Variants in TTYH3 observed in about 807,000 individuals in gnomAD.
TTYH3 encodes the protein protein tweety homolog 3.
Under a neutral mutation model 68.2 loss-of-function variants are expected in TTYH3, and 23 were observed. The observed-to-expected ratio is 0.34, with a 90% CI of 0.24 to 0.48. The LOEUF (loss-of-function observed/expected upper bound fraction) is 0.48, where lower values mean the gene tolerates loss of function less well. Ranked by LOEUF, TTYH3 falls within the 20% of genes least tolerant of loss-of-function variation. The pLI is 0.99. For synonymous variants in TTYH3, 360 were observed against 332.8 expected, an observed-to-expected ratio of 1.08 and a Z score of -0.89; for missense variants, 768 against 727.7, an observed-to-expected ratio of 1.06 and a Z score of -0.64.
chr7:2,647,819 C>T, intron 4 of TTYH3, 140 bp from the exon 5 acceptor site: 1 of 1,109,962 alleles, frequency 9.0e-7, no homozygotes, highest in Non-Finnish European at 1.3e-6. Context: ...AGAACTGACA[C>T]CAGTCCCCAT....
intron 1 of TTYH3, among the ~76,000 whole-genome samples, chr7:2,643,774 C>T (rs1285727174): frequency 6.6e-6 from 1 of 152,008 alleles, no homozygotes; most frequent in Non-Finnish European, 1.5e-5. Flanking sequence ...GCCCCGAGCT[C>T]TGGGTGGACA....
chr7:2,661,948 C>T lies in TTYH3; in HGVS notation c.*209C>T. 3.3e-6 allele frequency: 2 copies of T among 615,014 alleles called. No individual in the cohort carries two copies. Among genetic ancestry groups the T allele is most frequent in the Admixed American group, 2.8e-5 (1 of 35,386 alleles). The allele number at this position is 615,014 out of a possible 1,614,324, so 38.1% of individuals were successfully genotyped here. A position where few individuals can be genotyped will look rare whatever the true frequency, so the allele number is the denominator to read the frequency against. The stretch of plus-strand genomic sequence containing the variant: ...GGGCCCGTACCGCCAACTCGGGTCA[C>T]ACCTGAACGCTGCTGCCAGCCGATG... On this transcript the variant is annotated 3_prime_UTR_variant, in exon 14 of 14. Transcript: ENST00000258796.
rs866654304 is a variant in TTYH3, at chr7:2,637,454, G to A, written c.123+5176G>A. 7.5e-4 allele frequency among the ~76,000 whole-genome samples: 114 copies of A among 152,296 alleles called. 1 individual carries two copies. The highest frequency in any genetic ancestry group is 3.4e-3 in the Middle Eastern group (1 of 294). ...AGAAACGGGGGCCGGCCAGCATGGG[G>A]GGCCGGAAGACTGGGCACGGGTTCC... On this transcript the variant is annotated intron_variant, in intron 1 of 13. Transcript: ENST00000258796.
chr7:2,647,631 T>C lies in TTYH3; in HGVS notation c.619T>C (p.Trp207Arg). 1 of 1,565,446 alleles carries C rather than the reference T, an allele frequency of 6.4e-7. No individual in the cohort carries two copies. Among genetic ancestry groups the C allele is most frequent in the Non-Finnish European group, 8.7e-7 (1 of 1,155,128 alleles). ...GGCGGAGCAGGTGGATCTCTACGAC[T>C]GGTACAGGTGCGGCCAGGCCCTCTT... ...VLAEQVDLYD[W>R]YRWLGYLGLL... Residue 207 changes from tryptophan to arginine, a missense_variant, in exon 4 of 14, where the codon TGG (tryptophan) becomes CGG (arginine). Physicochemically the swap from Trp to Arg is moderately radical, Grantham distance 101. Coordinates refer to ENST00000258796, the MANE Select transcript of TTYH3 (RefSeq NM_025250.3).
intron 13 of TTYH3, chr7:2,660,379 G>T: frequency 1.0e-6 from 1 of 985,402 alleles, no homozygotes; most frequent in Non-Finnish European, 1.2e-6. Flanking sequence ...ATGTGCCCGG[G>T]CCCCTGGGCA....
Position 2,638,761 on chromosome 7 carries a change from G to A in TTYH3, c.123+6483G>A, listed in dbSNP as rs565379437. Among the ~76,000 whole-genome samples, 435 of 152,280 alleles carry A rather than the reference G, an allele frequency of 2.9e-3. 1 individual carries two copies. Among genetic ancestry groups the A allele is most frequent in the Non-Finnish European group, 5.4e-3 (369 of 67,996 alleles). Reference sequence around the variant, plus strand: ...GCCAGTGTCGCTGGGAGCCTGGGCCGAGTGTGCTATGGGTAGGGGCTGGGG... The same window carrying A: ...GCCAGTGTCGCTGGGAGCCTGGGCCAAGTGTGCTATGGGTAGGGGCTGGGG... On this transcript the variant is annotated intron_variant, in intron 1 of 13. Transcript: ENST00000258796.
At chr7:2,635,229 GA>G (rs1198963531) in intron 1 of TTYH3, among the ~76,000 whole-genome samples, 1 of 152,192 alleles carries the variant, frequency 6.6e-6, no homozygotes, top group Non-Finnish European at 1.5e-5. Context: ...AGTGAGTCCT[GA>G]ATGTCAAGTG....
rs1426099707 is a variant in TTYH3, at chr7:2,647,210, C to T, written c.362C>T (p.Ser121Leu). Residue 121 changes from serine to leucine, a missense_variant, in exon 3 of 14, where the codon TCG (serine) becomes TTG (leucine). Transcript: ENST00000258796. ...TSDGIHRATY[S>L]LRHANRTVAG... ...GATGGCATCCATAGGGCCACCTACT[C>T]GCTCCGCCACGCCAACCGCACGGTG... is the stretch of plus-strand genomic sequence containing the variant. The T allele has an allele frequency of 3.7e-6, 6 of 1,603,284 alleles. No homozygotes were observed. The highest frequency in any genetic ancestry group is 3.3e-4 in the Middle Eastern group (2 of 6,048).
intron 13 of TTYH3, chr7:2,660,479 T>G (rs1786465070): frequency 3.0e-6 from 3 of 985,368 alleles, no homozygotes; most frequent in Admixed American, 6.1e-5. Flanking sequence ...CGTGAGCTTC[T>G]CCCGCTGGCC....
intron 7 of TTYH3, among the ~76,000 whole-genome samples, chr7:2,650,549 G>A (rs1786146036): frequency 6.6e-6 from 1 of 151,958 alleles, no homozygotes; most frequent in Non-Finnish European, 1.5e-5. Flanking sequence ...CTGCATTCCA[G>A]CCTGGGCAAC....
intron 1 of TTYH3, among the ~76,000 whole-genome samples, chr7:2,642,797 T>C (rs542226746): frequency 3.5e-4 from 53 of 150,354 alleles, no homozygotes; most frequent in African/African-American, 1.3e-3. Flanking sequence ...GTGTGGTGGC[T>C]CACGTCTGTA....
At chr7:2,633,450 G>C (rs1340342709) in intron 1 of TTYH3, among the ~76,000 whole-genome samples, 2 of 152,220 alleles carry the variant, frequency 1.3e-5, no homozygotes, top group Admixed American at 6.5e-5. Context: ...CCCCCCAGCC[G>C]AGCCGATGAC....
Position 2,632,113 on chromosome 7 carries a change from CCCCGCGCAGG to C in TTYH3, c.-40_-31del. ...CCCGCGCCCCGGGCCAGCAAGGGAG[CCCCGCGCAGG>C]CCGCGCGCATCCGGAGGCGGCCGGG... On this transcript the variant is annotated 5_prime_UTR_variant, in exon 1 of 14. Transcript: ENST00000258796. 3.1e-6 allele frequency: 4 copies of C among 1,310,368 alleles called. No individual in the cohort carries two copies. In the South Asian group the frequency reaches 8.3e-5, roughly 27 times the overall value. 81.2% of individuals were successfully genotyped at this position (1,310,368 alleles called of 1,614,324 possible).
intron 1 of TTYH3, among the ~76,000 whole-genome samples, chr7:2,639,781 C>G (rs1281870750): frequency 2.0e-5 from 3 of 152,206 alleles, no homozygotes; most frequent in Admixed American, 6.5e-5. Flanking sequence ...TGGAGCCTGT[C>G]CCTTTCCCTC....
At chr7:2,658,491 G>C in intron 12 of TTYH3, 32 bp downstream of exon 12, 1 of 1,584,888 alleles carries the variant, frequency 6.3e-7, no homozygotes, top group Non-Finnish European at 8.6e-7. Context: ...GGGGCCAGCG[G>C]ACACGTCAGC....
Position 2,632,015 on chromosome 7 carries a change from AGCCGG to A in TTYH3, c.-127_-123del. ...AGCCGAGCGCAGCCGAGCCGGGCCGAGCCGGGCCGGGCCGGGCCCAGGAGCGCGCG... is the reference window on the plus strand; with the variant it reads ...AGCCGAGCGCAGCCGAGCCGGGCCGAGCCGGGCCGGGCCCAGGAGCGCGCG... On this transcript the variant is annotated 5_prime_UTR_variant, in exon 1 of 14. Coordinates refer to ENST00000258796, the MANE Select transcript of TTYH3 (RefSeq NM_025250.3). 6.0e-6 allele frequency: 4 copies of A among 671,556 alleles called. No homozygotes were observed. The highest frequency in any genetic ancestry group is 7.5e-6 in the Non-Finnish European group (4 of 531,730). 41.6% of individuals were successfully genotyped at this position (671,556 alleles called of 1,614,324 possible). A position where few individuals can be genotyped will look rare whatever the true frequency, so the allele number is the denominator to read the frequency against.
Position 2,656,151 on chromosome 7 carries a change from C to A in TTYH3, c.1080C>A (p.Leu360=). ...GCACGGAGGTGAACCTGCAGCACCT[C>A]ACCGCCCTGGTGGACTGCCGCAGCC... ...LNGTEVNLQH[L]TALVDCRSLH... is the part of the protein sequence containing the mutation. The change falls in exon 10 of 14, where the codon CTC becomes CTA. Residue 360 remains leucine, a synonymous_variant. Transcript: ENST00000258796. 6.4e-7 allele frequency: 1 copy of A among 1,571,272 alleles called. No individual in the cohort carries two copies. Among genetic ancestry groups the A allele is most frequent in the East Asian group, 2.4e-5 (1 of 42,492 alleles).
intron 13 of TTYH3, 64 bp from the exon 14 acceptor site, chr7:2,661,604 G>T: frequency 6.6e-7 from 1 of 1,523,152 alleles, no homozygotes. Context: ...CCACGCGGAA[G>T]GCGCCCCTGG....
At position 2,647,451 on chromosome 7, in the gene TTYH3, G is replaced by A; in HGVS notation, c.439G>A (p.Ala147Thr). Residue 147 changes from alanine to threonine, a missense_variant, in exon 4 of 14, where the codon GCG (alanine) becomes ACG (threonine). Ala to Thr is a moderately conservative substitution (Grantham distance 58). Coordinates refer to ENST00000258796, the MANE Select transcript of TTYH3 (RefSeq NM_025250.3). The part of the protein sequence containing the change: ...WDTAVGLNHT[A>T]EPSLQTLERQ... ...CACGGCGGTGGGGCTGAACCACACGGCGGAGCCCAGCCTGCAGACCCTGGA... is the reference window on the plus strand; with the variant it reads ...CACGGCGGTGGGGCTGAACCACACGACGGAGCCCAGCCTGCAGACCCTGGA... 1 of 1,530,098 alleles carries A rather than the reference G, an allele frequency of 6.5e-7. No homozygotes were observed. The highest frequency in any genetic ancestry group is 8.8e-7 in the Non-Finnish European group (1 of 1,142,680). The allele number at this position is 1,530,098 out of a possible 1,614,324, so 94.8% of individuals were successfully genotyped here. A position where few individuals can be genotyped will look rare whatever the true frequency, so the allele number is the denominator to read the frequency against.
Sources: allele counts gnomAD v4.1 joint callset (sites outside exome capture counted in the v4.1 genomes callset), GRCh38; gene constraint gnomAD v4.1.1; transcripts MANE v1.5; gene names NCBI Gene and HGNC (gene_info 2026-07-23, HGNC 2026-07-21).